CCDC88C: variants seen among roughly 807,000 people sequenced by gnomAD.
The protein encoded by CCDC88C is protein Daple.
In CCDC88C, 131 loss-of-function variants were observed where a neutral mutation model predicts 198.8. The ratio of observed to expected loss-of-function variants is 0.66; its 90% CI spans 0.57 to 0.76. The LOEUF is 0.76. Among genes scored for constraint, CCDC88C ranks in the 30% least tolerant of loss-of-function variants. CCDC88C has a pLI of 0.00. For synonymous variants in CCDC88C, 1,166 were observed against 1,114.7 expected (o/e 1.05, Z -0.92); for missense variants, 2,553 against 2,631.6 (o/e 0.97, Z 0.65).
intron 19 of CCDC88C, among the ~76,000 whole-genome samples, chr14:91,305,125 G>A (rs1891504901): frequency 6.6e-6 from 1 of 152,114 alleles, no homozygotes. Context: ...TTGAACCTGG[G>A]AGGTGGAGCT....
chr14:91,361,893 C>T (rs1184845800), intron 3 of CCDC88C, among the ~76,000 whole-genome samples: 1 of 152,164 alleles, frequency 6.6e-6, no homozygotes, highest in Admixed American at 6.5e-5. Flanking sequence ...AAGGAGAGTG[C>T]CCAATGACAT....
chr14:91,411,715 C>A (rs1886796479), intron 2 of CCDC88C, among the ~76,000 whole-genome samples: 1 of 152,140 alleles, frequency 6.6e-6, no homozygotes, highest in Non-Finnish European at 1.5e-5. Flanking sequence ...GTAACCCCAG[C>A]ACTTTGGGAG....
At chr14:91,368,017 C>A (rs1159480426) in intron 3 of CCDC88C, among the ~76,000 whole-genome samples, 1 of 152,156 alleles carries the variant, frequency 6.6e-6, no homozygotes, top group African/African-American at 2.4e-5. Flanking sequence ...TACACTGTGC[C>A]ATGTCAATCA....
intron 4 of CCDC88C, among the ~76,000 whole-genome samples, chr14:91,351,912 C>T (rs1421159985): frequency 6.6e-6 from 1 of 152,134 alleles, no homozygotes; most frequent in Non-Finnish European, 1.5e-5. Context: ...AAATGACCTC[C>T]TACCCCACCT....
intron 3 of CCDC88C, among the ~76,000 whole-genome samples, chr14:91,407,389 C>T (rs1390007671): frequency 6.6e-6 from 1 of 152,164 alleles, no homozygotes; most frequent in African/African-American, 2.4e-5. Flanking sequence ...AAAGATGCTC[C>T]CGAATCCCAG....
chr14:91,365,167 C>T (rs1894476064), intron 3 of CCDC88C, among the ~76,000 whole-genome samples: 2 of 97,298 alleles, frequency 2.1e-5, no homozygotes, highest in South Asian at 5.5e-4. Context: ...TCTCCTCCAA[C>T]TCCCTCACCC....
At chr14:91,300,658 G>C (rs112576558) in intron 20 of CCDC88C, among the ~76,000 whole-genome samples, 1,876 of 152,160 alleles carry the variant, frequency 0.012, 37 homozygotes, top group African/African-American at 0.043. Flanking sequence ...CTCCTCAGGC[G>C]CCTTAGCCAC....
chr14:91,310,104 GGAGC>G (rs1344584801), intron 15 of CCDC88C, 118 bp from the exon 16 acceptor site: 1 of 1,009,350 alleles, frequency 9.9e-7, no homozygotes, highest in East Asian at 2.9e-5. Context: ...GCCTCCGTGT[GGAGC>G]GAGGGGACTC....
At chr14:91,412,738 T>C (rs940399600) in intron 2 of CCDC88C, among the ~76,000 whole-genome samples, 13 of 152,168 alleles carry the variant, frequency 8.5e-5, no homozygotes, top group Non-Finnish European at 1.8e-4. Flanking sequence ...CCCAGCCTGT[T>C]TGTATAATTT....
intron 3 of CCDC88C, among the ~76,000 whole-genome samples, chr14:91,406,426 C>CA (rs1306603630): frequency 1.3e-5 from 2 of 152,216 alleles, no homozygotes; most frequent in Non-Finnish European, 2.9e-5. Flanking sequence ...GGGATGCAGA[C>CA]ACCTGCCCAG....
intron 4 of CCDC88C, among the ~76,000 whole-genome samples, chr14:91,348,499 A>C (rs964073875): frequency 6.6e-6 from 1 of 151,882 alleles, no homozygotes; most frequent in Non-Finnish European, 1.5e-5. Flanking sequence ...AATAAACAAA[A>C]AACACCACAA....
intron 3 of CCDC88C, among the ~76,000 whole-genome samples, chr14:91,401,238 A>G (rs1265916819): frequency 6.9e-6 from 1 of 145,528 alleles, no homozygotes; most frequent in East Asian, 2.0e-4. Flanking sequence ...ATATATATTT[A>G]TATATTATAT....
At chr14:91,321,332 G>A (rs1359769925) in intron 12 of CCDC88C, 28 bp from the exon 13 acceptor site, 29 of 1,547,190 alleles carry the variant, frequency 1.9e-5, no homozygotes, top group Non-Finnish European at 2.4e-5. Context: ...TCAGAGCCCA[G>A]TGGTCTGTGG....
chr14:91,350,984 T>C (rs1893759220), intron 4 of CCDC88C, among the ~76,000 whole-genome samples: 1 of 151,964 alleles, frequency 6.6e-6, no homozygotes, highest in East Asian at 1.9e-4. Flanking sequence ...CTACCTACCA[T>C]CTCCTAACTT....
At chr14:91,276,670 GT>G (rs1158103133) in intron 29 of CCDC88C, among the ~76,000 whole-genome samples, 1 of 152,208 alleles carries the variant, frequency 6.6e-6, no homozygotes, top group Non-Finnish European at 1.5e-5. Flanking sequence ...GTCCAAATGT[GT>G]TTCTTTAAGG....
rs1291913998 is a variant in CCDC88C at position 91,340,031 on chromosome 14, G to C, written c.484-7C>G. The C allele has an allele frequency of 3.7e-5, 59 of 1,608,656 alleles. No individual in the cohort carries two copies. The highest frequency in any genetic ancestry group is 4.9e-5 in the Non-Finnish European group (58 of 1,178,250). On this transcript the variant is annotated splice_region_variant and splice_polypyrimidine_tract_variant and intron_variant, in intron 6 of 29. Coordinates refer to ENST00000389857, the MANE Select transcript of CCDC88C (RefSeq NM_001080414.4). ...TCTCTTGGTTGTGAGTCACCTGTGG[G>C]CACACATGGCAGGGCACTGCAGGGG...
intron 10 of CCDC88C, among the ~76,000 whole-genome samples, chr14:91,336,877 C>T (rs1893071153): frequency 6.6e-6 from 1 of 152,236 alleles, no homozygotes; most frequent in South Asian, 2.1e-4. Context: ...CACAGCCTTC[C>T]CCGGCAAGCC....
intron 3 of CCDC88C, among the ~76,000 whole-genome samples, chr14:91,372,433 G>A (rs1414851668): frequency 2.7e-5 from 4 of 150,774 alleles, no homozygotes; most frequent in Non-Finnish European, 5.9e-5. Context: ...GCAGAGGAGA[G>A]CGGGGAATCC....
chr14:91,399,916 C>T (rs1419191331), intron 3 of CCDC88C, among the ~76,000 whole-genome samples: 3 of 151,870 alleles, frequency 2.0e-5, no homozygotes, highest in African/African-American at 7.3e-5. Flanking sequence ...GGAGCCTCAC[C>T]CCCATACCCG....
Sources: gnomAD v4.1 joint callset for allele counts (sites outside exome capture counted in the v4.1 genomes callset) on GRCh38, gnomAD v4.1.1 for gene constraint, MANE v1.5 for transcripts, NCBI Gene and HGNC (gene_info 2026-07-23, HGNC 2026-07-21) for gene names.